Variants in TM9SF3 observed in about 807,000 individuals in gnomAD.
TM9SF3 encodes the protein transmembrane 9 superfamily member 3, also known as SM-11044-binding protein.
A neutral mutation model predicts 78.6 loss-of-function variants in TM9SF3; 14 were observed. The observed-to-expected ratio is 0.18, with a 90% CI of 0.12 to 0.28. The LOEUF is 0.28. Among genes scored for constraint, TM9SF3 ranks in the 10% least tolerant of loss-of-function variants. The pLI is 1.00. For synonymous variants in TM9SF3, 231 were observed against 241.7 expected (o/e 0.96, Z 0.41); for missense variants, 496 against 721.9 (o/e 0.69, Z 3.59).
intron 3 of TM9SF3, 67 bp downstream of exon 3, chr10:96,565,237 A>G: frequency 7.2e-7 from 1 of 1,382,320 alleles, no homozygotes; most frequent in South Asian, 1.7e-5. Context: ...TCACCTTAAC[A>G]GAGTCATTTT....
At chr10:96,573,036 G>A (rs1320548151) in intron 2 of TM9SF3, among the ~76,000 whole-genome samples, 1 of 152,128 alleles carries the variant, frequency 6.6e-6, no homozygotes, top group Non-Finnish European at 1.5e-5. Flanking sequence ...AGATGTGTGT[G>A]TATGCATATG....
At chr10:96,551,744 T>C (rs1004960396) in intron 6 of TM9SF3, among the ~76,000 whole-genome samples, 4 of 152,174 alleles carry the variant, frequency 2.6e-5, no homozygotes, top group African/African-American at 9.7e-5. Flanking sequence ...TTCTTGCTAT[T>C]CACATCATAG....
rs1847723112 is a variant in TM9SF3 at position 96,518,621 on chromosome 10, C to G, written c.*3642G>C. The G allele has an allele frequency of 6.6e-6, 1 of 151,664 alleles. No homozygotes were observed. 9.4% of individuals were successfully genotyped at this position (151,664 alleles called of 1,614,324 possible). A position where few individuals can be genotyped will look rare whatever the true frequency, so the allele number is the denominator to read the frequency against. On this transcript the variant is annotated 3_prime_UTR_variant, in exon 15 of 15. Transcript: ENST00000371142. ...TGTTTACTTTTGTCTTTGTAGATTTCTGTCTGCAGCTCCAGTAAGAATGCC... is the reference window on the plus strand; with the variant it reads ...TGTTTACTTTTGTCTTTGTAGATTTGTGTCTGCAGCTCCAGTAAGAATGCC...
In TM9SF3 at chr10:96,576,623, G is replaced by T. The variant is rs755469737; in HGVS notation, c.298+11C>A. Reference sequence around the variant, plus strand: ...CAAATTGCATTGTAAGGACTATTAAGGTTTACTTACCTTTAAATTTAATAT... The same window carrying T: ...CAAATTGCATTGTAAGGACTATTAATGTTTACTTACCTTTAAATTTAATAT... On this transcript the variant is annotated intron_variant, in intron 2 of 14. Transcript: ENST00000371142. 6.4e-7 allele frequency: 1 copy of T among 1,572,434 alleles called. No homozygotes were observed. The highest frequency in any genetic ancestry group is 1.4e-5 in the African/African-American group (1 of 72,732).
chr10:96,523,823 TAA>T (rs981381799), intron 14 of TM9SF3, among the ~76,000 whole-genome samples: 5 of 152,040 alleles, frequency 3.3e-5, no homozygotes, highest in Non-Finnish European at 7.4e-5. Flanking sequence ...AAAAGAGCCT[TAA>T]GAGACATTTC....
At chr10:96,540,463 C>A (rs914483356) in intron 9 of TM9SF3, among the ~76,000 whole-genome samples, 22 of 152,224 alleles carry the variant, frequency 1.4e-4, no homozygotes, top group African/African-American at 5.3e-4. Context: ...GACTTTCAAG[C>A]TAAGGCAGCT....
At chr10:96,557,525 C>T (rs747944062) in intron 5 of TM9SF3, among the ~76,000 whole-genome samples, 3 of 152,096 alleles carry the variant, frequency 2.0e-5, no homozygotes, top group African/African-American at 4.8e-5. Flanking sequence ...AGATTTGTTA[C>T]CCCCCTGCTG....
At position 96,533,030 on chromosome 10, in the gene TM9SF3, A is replaced by G. The variant is rs761333719; in HGVS notation, c.1325+21T>C. 1.4e-5 allele frequency: 23 copies of G among 1,612,754 alleles called. No individual in the cohort carries two copies. The East Asian group carries it at 4.7e-4, about 33-fold the overall frequency. On this transcript the variant is annotated intron_variant, in intron 10 of 14. Coordinates refer to ENST00000371142, the MANE Select transcript of TM9SF3 (RefSeq NM_020123.4). ...TATATATTGTGTGAAACAATCGCAT[A>G]AGATTTAGCATTCTCTTTACCATTT...
intron 1 of TM9SF3, among the ~76,000 whole-genome samples, chr10:96,580,647 G>T (rs1002910314): frequency 1.3e-5 from 2 of 151,942 alleles, no homozygotes; most frequent in African/African-American, 4.8e-5. Flanking sequence ...TAATCCTTCC[G>T]AAATGCTCAA....
chr10:96,582,680 T>C (rs540918739), intron 1 of TM9SF3, among the ~76,000 whole-genome samples: 1 of 152,362 alleles, frequency 6.6e-6, no homozygotes, highest in South Asian at 2.1e-4. Context: ...AACACATTTT[T>C]ACATATTCTA....
In TM9SF3 at chr10:96,548,601, C is replaced by T. The variant is rs894298960; in HGVS notation, c.960-612G>A. 2.0e-5 allele frequency among the ~76,000 whole-genome samples: 3 copies of T among 151,796 alleles called. 1 individual carries two copies. Among genetic ancestry groups the T allele is most frequent in the Admixed American group, 2.0e-4 (3 of 15,212 alleles). Reference sequence around the variant, plus strand: ...TCACGTGAGGTCAGGAGTTTGAAACCAGCCTGGCCAACATGGCAAAACCCC... The same window carrying T: ...TCACGTGAGGTCAGGAGTTTGAAACTAGCCTGGCCAACATGGCAAAACCCC... On this transcript the variant is annotated intron_variant, in intron 7 of 14. Transcript: ENST00000371142.
chr10:96,583,969 G>A (rs1848602322), intron 1 of TM9SF3, among the ~76,000 whole-genome samples: 1 of 136,144 alleles, frequency 7.3e-6, no homozygotes, highest in East Asian at 2.5e-4. Flanking sequence ...AGGAGGCAGA[G>A]ATTGCAGTGA....
Position 96,527,413 on chromosome 10 carries a change from T to C in TM9SF3, c.1625A>G (p.Lys542Arg). 6.2e-7 allele frequency: 1 copy of C among 1,606,110 alleles called. No homozygotes were observed. Among genetic ancestry groups the C allele is most frequent in the Non-Finnish European group, 8.5e-7 (1 of 1,176,718 alleles). Reference sequence around the variant, plus strand: ...AAGGTAAAAAAATGTCTCCACTTACTTTGTTTTGAAAAAATAGTAGTAAAA... The same window carrying C: ...AAGGTAAAAAAATGTCTCCACTTACCTTGTTTTGAAAAAATAGTAGTAAAA... ...YSFYYYFFKTKMYGLFQTSFY... is the reference protein window; with the variant it reads ...YSFYYYFFKTRMYGLFQTSFY... The change falls in exon 13 of 15, where the codon AAG becomes AGG. Residue 542 changes from lysine (K) to arginine (R), a missense_variant and splice_region_variant. Physicochemically the swap from Lys to Arg is conservative, Grantham distance 26. This residue lies in a region of TM9SF3 where 280 missense variants were observed against 422.6 expected (regional missense o/e 0.66). Transcript: ENST00000371142.
chr10:96,529,161 A>G (rs571912809), intron 11 of TM9SF3, among the ~76,000 whole-genome samples: 1 of 152,258 alleles, frequency 6.6e-6, no homozygotes, highest in East Asian at 1.9e-4. Flanking sequence ...GAACTAAAGA[A>G]GTTCCTGAAC....
chr10:96,577,441 T>A (rs1424814800), intron 1 of TM9SF3: 1 of 152,174 alleles, frequency 6.6e-6, no homozygotes, highest in African/African-American at 2.4e-5. Flanking sequence ...TTTCTTTGAA[T>A]AAGTAATTAT....
At chr10:96,551,184 C>A in intron 7 of TM9SF3, 61 bp downstream of exon 7, 3 of 1,310,540 alleles carry the variant, frequency 2.3e-6, no homozygotes, top group South Asian at 3.3e-5. Flanking sequence ...TTAAAAGATT[C>A]CAGTGATTAA....
At chr10:96,561,932 CG>C in intron 4 of TM9SF3, 45 bp downstream of exon 4, 1 of 1,507,942 alleles carries the variant, frequency 6.6e-7, no homozygotes, top group Non-Finnish European at 9.0e-7. Flanking sequence ...TTGTTGACAT[CG>C]GGTCACAAAC....
At chr10:96,530,423 T>C (rs569839253) in intron 11 of TM9SF3, 117 bp downstream of exon 11, 22 of 782,394 alleles carry the variant, frequency 2.8e-5, no homozygotes, top group African/African-American at 1.4e-4. Context: ...TCTGGAATCA[T>C]GGAATTAACA....
At chr10:96,552,852 T>C (rs1463846672) in intron 6 of TM9SF3, 76 bp downstream of exon 6, 2 of 1,317,964 alleles carry the variant, frequency 1.5e-6, no homozygotes, top group African/African-American at 1.5e-5. Flanking sequence ...TAAGAAATTA[T>C]GACCTACCTC....
Sources: gnomAD v4.1 joint callset for allele counts (sites outside exome capture counted in the v4.1 genomes callset) on GRCh38, gnomAD v4.1.1 for gene constraint, gnomAD v4.1.1 regional missense constraint, MANE v1.5 for transcripts, NCBI Gene and HGNC (gene_info 2026-07-23, HGNC 2026-07-21) for gene names.